Variants in ARB2A observed in about 807,000 individuals in gnomAD.
ARB2A encodes the protein ARB2 cotranscriptional regulator A, also known as cotranscriptional regulator ARB2A.
the ARB2A span, among the ~76,000 whole-genome samples, chr5:93,727,889 A>C: frequency 1.3e-5 from 2 of 152,102 alleles, no homozygotes; most frequent in Non-Finnish European, 2.9e-5. Flanking sequence ...ATTCATAGCC[A>C]CTGACACCAG....
At chr5:94,013,722 C>T in the ARB2A span, among the ~76,000 whole-genome samples, 1 of 151,916 alleles carries the variant, frequency 6.6e-6, no homozygotes, top group Non-Finnish European at 1.5e-5. Context: ...TTCCAAGATG[C>T]TGGAATATAA....
At chr5:94,056,795 G>T in the ARB2A span, among the ~76,000 whole-genome samples, 4 of 152,184 alleles carry the variant, frequency 2.6e-5, no homozygotes, top group Admixed American at 2.6e-4. Context: ...ATAGATGGGT[G>T]AATGGTATGA....
At chr5:93,910,625 G>T in the ARB2A span, 2 of 151,300 alleles carry the variant, frequency 1.3e-5, no homozygotes, top group African/African-American at 4.8e-5. Context: ...GACCTGATCC[G>T]AAATAGAACA....
chr5:94,007,025 G>A, the ARB2A span, among the ~76,000 whole-genome samples: 3 of 151,976 alleles, frequency 2.0e-5, no homozygotes, highest in Admixed American at 6.6e-5. Flanking sequence ...CTATTTTCTT[G>A]CCACTGATTG....
the ARB2A span, among the ~76,000 whole-genome samples, chr5:93,808,402 A>G: frequency 9.1e-6 from 1 of 110,138 alleles, no homozygotes; most frequent in African/African-American, 3.4e-5. Context: ...GAAATAATCT[A>G]AAAAAAAAAA....
At chr5:93,756,803 C>T in the ARB2A span, among the ~76,000 whole-genome samples, 55 of 152,146 alleles carry the variant, frequency 3.6e-4, no homozygotes, top group East Asian at 9.5e-3. Flanking sequence ...GGTAATATGA[C>T]AAAACAAGGC....
chr5:93,638,716 C>T, the ARB2A span, among the ~76,000 whole-genome samples: 1 of 151,700 alleles, frequency 6.6e-6, no homozygotes, highest in Non-Finnish European at 1.5e-5. Flanking sequence ...GTAATTCCAG[C>T]TACAAGGGAG....
chr5:93,978,413 C>T, the ARB2A span, among the ~76,000 whole-genome samples: 1 of 152,144 alleles, frequency 6.6e-6, no homozygotes, highest in African/African-American at 2.4e-5. Context: ...GGTACACATA[C>T]ATGATGGAAT....
chr5:93,658,543 A>C, the ARB2A span, among the ~76,000 whole-genome samples: 1 of 152,122 alleles, frequency 6.6e-6, no homozygotes, highest in East Asian at 1.9e-4. Context: ...GTAGTTAACA[A>C]AAAAGATGTG....
At chr5:94,069,087 T>TAGATAGAC in the ARB2A span, among the ~76,000 whole-genome samples, 2,174 of 151,304 alleles carry the variant, frequency 0.014, 37 homozygotes, top group Non-Finnish European at 0.02. Context: ...GATAGATAGA[T>TAGATAGAC]AGACTAATGG....
the ARB2A span, among the ~76,000 whole-genome samples, chr5:94,027,810 T>C: frequency 6.6e-6 from 1 of 152,180 alleles, no homozygotes; most frequent in Non-Finnish European, 1.5e-5. Flanking sequence ...TCATGGGACC[T>C]GAAACTTGGG....
the ARB2A span, among the ~76,000 whole-genome samples, chr5:93,830,311 G>GTGTGTGTGTGTGTGTA: frequency 2.8e-4 from 23 of 82,262 alleles, no homozygotes; most frequent in African/African-American, 9.8e-4. Flanking sequence ...GTGTGTGTGT[G>GTGTGTGTGTGTGTGTA]TATATATATA....
At chr5:93,877,990 T>C in the ARB2A span, among the ~76,000 whole-genome samples, 3 of 151,262 alleles carry the variant, frequency 2.0e-5, no homozygotes, top group Admixed American at 6.6e-5. Flanking sequence ...TATAATGACA[T>C]AGCTCAAAAG....
chr5:93,838,228 T>C, the ARB2A span, among the ~76,000 whole-genome samples: 1 of 152,208 alleles, frequency 6.6e-6, no homozygotes, highest in African/African-American at 2.4e-5. Context: ...GCTAGCTAGT[T>C]ATCCCAGCAC....
the ARB2A span, among the ~76,000 whole-genome samples, chr5:94,010,913 G>A: frequency 9.2e-4 from 140 of 152,230 alleles, 3 homozygotes; most frequent in Admixed American, 9.0e-3. Context: ...ACGCTACACA[G>A]GTCAGCTGAG....
At chr5:94,018,041 C>T in the ARB2A span, among the ~76,000 whole-genome samples, 2 of 152,130 alleles carry the variant, frequency 1.3e-5, no homozygotes, top group African/African-American at 4.8e-5. Flanking sequence ...AAATGCCTTC[C>T]TCCTACCACC....
At chr5:93,632,679 A>G in the ARB2A span, among the ~76,000 whole-genome samples, 27 of 152,312 alleles carry the variant, frequency 1.8e-4, no homozygotes, top group East Asian at 3.7e-3. Context: ...TGCACTTACC[A>G]ATTCATCCTG....
chr5:93,662,328 G>C, the ARB2A span, among the ~76,000 whole-genome samples: 1 of 152,110 alleles, frequency 6.6e-6, no homozygotes, highest in Admixed American at 6.6e-5. Context: ...TATTGGATAA[G>C]AGTAAACTAA....
the ARB2A span, among the ~76,000 whole-genome samples, chr5:93,666,227 C>T: frequency 1.3e-5 from 2 of 152,114 alleles, no homozygotes; most frequent in East Asian, 1.9e-4. Flanking sequence ...TTTTAATAAA[C>T]GTAGACTCAT....
Sources: allele counts gnomAD v4.1 joint callset (sites outside exome capture counted in the v4.1 genomes callset), GRCh38; gene constraint gnomAD v4.1.1; transcripts MANE v1.5; gene names NCBI Gene and HGNC (gene_info 2026-07-23, HGNC 2026-07-21).